PCSK5: variants seen among roughly 807,000 people sequenced by gnomAD.
PCSK5 encodes the protein prohormone convertase 5.
Under a neutral mutation model 233.2 loss-of-function variants are expected in PCSK5, and 129 were observed. The ratio of observed to expected loss-of-function variants is 0.55; its 90% CI spans 0.48 to 0.64. The LOEUF (loss-of-function observed/expected upper bound fraction) is 0.64. PCSK5 is among the 30% of genes least tolerant of loss of function. The probability of loss-of-function intolerance (pLI) is 0.00; values close to 1 mark genes in which losing one functional copy is unlikely to be tolerated. For synonymous variants in PCSK5, 825 were observed against 879.2 expected (o/e 0.94, Z 1.09); for missense variants, 2,076 against 2,430.1 (o/e 0.85, Z 3.06).
At chr9:75,903,816 G>A (rs1826156825) in intron 1 of PCSK5, among the ~76,000 whole-genome samples, 1 of 151,544 alleles carries the variant, frequency 6.6e-6, no homozygotes, top group African/African-American at 2.4e-5. Flanking sequence ...ATACAGAGCA[G>A]GGAGGGGAGA....
At chr9:76,014,714 G>A (rs1309867770) in intron 3 of PCSK5, among the ~76,000 whole-genome samples, 2 of 152,070 alleles carry the variant, frequency 1.3e-5, no homozygotes, top group African/African-American at 4.8e-5. Flanking sequence ...TTTGGTTAGT[G>A]GCATATTAGA....
At chr9:76,201,275 T>G (rs748897055) in intron 20 of PCSK5, among the ~76,000 whole-genome samples, 5 of 152,186 alleles carry the variant, frequency 3.3e-5, no homozygotes, top group Non-Finnish European at 7.3e-5. Context: ...GCACTTCCCT[T>G]CCCTAACAAT....
At chr9:76,331,628 C>T (rs2131481512) in intron 33 of PCSK5, among the ~76,000 whole-genome samples, 1 of 148,860 alleles carries the variant, frequency 6.7e-6, no homozygotes, top group South Asian at 2.1e-4. Flanking sequence ...GATTGTGCCA[C>T]TGCACTCCAG....
intron 20 of PCSK5, among the ~76,000 whole-genome samples, chr9:76,219,279 G>C (rs1267088671): frequency 6.6e-6 from 1 of 152,208 alleles, no homozygotes; most frequent in Non-Finnish European, 1.5e-5. Flanking sequence ...CAGAGAAAGA[G>C]AAAGAGGGTA....
chr9:75,963,095 AT>A, intron 2 of PCSK5, among the ~76,000 whole-genome samples: 1 of 152,282 alleles, frequency 6.6e-6, no homozygotes, highest in African/African-American at 2.4e-5. Flanking sequence ...TATTAGCATA[AT>A]TTTTTATTCT....
intron 9 of PCSK5, among the ~76,000 whole-genome samples, chr9:76,131,121 A>G (rs7033427): frequency 0.49 from 74,292 of 151,860 alleles, 18,446 homozygotes; most frequent in Admixed American, 0.53. Context: ...CTCTCTCTGC[A>G]TTTGTTTTAT....
intron 4 of PCSK5, among the ~76,000 whole-genome samples, chr9:76,025,519 G>A (rs1393351397): frequency 6.6e-6 from 1 of 152,110 alleles, no homozygotes; most frequent in Non-Finnish European, 1.5e-5. Flanking sequence ...GCTAGAAGGA[G>A]GAAGCAGCCC....
intron 5 of PCSK5, among the ~76,000 whole-genome samples, chr9:76,050,683 A>C (rs1044449555): frequency 2.0e-5 from 3 of 152,208 alleles, no homozygotes; most frequent in Non-Finnish European, 1.5e-5. Flanking sequence ...TTGTACCACA[A>C]TACTTGGTGA....
intron 7 of PCSK5, among the ~76,000 whole-genome samples, chr9:76,083,650 T>A (rs913622590): frequency 6.6e-6 from 1 of 152,260 alleles, no homozygotes; most frequent in African/African-American, 2.4e-5. Context: ...CTCTGACCAC[T>A]ATTTTCCCTT....
intron 2 of PCSK5, among the ~76,000 whole-genome samples, chr9:75,981,072 T>G (rs917911177): frequency 1.3e-5 from 2 of 152,208 alleles, no homozygotes; most frequent in African/African-American, 2.4e-5. Flanking sequence ...ACCACCTATT[T>G]TATTTCCTGG....
intron 3 of PCSK5, among the ~76,000 whole-genome samples, chr9:76,000,282 T>A (rs906510776): frequency 6.6e-6 from 1 of 152,216 alleles, no homozygotes; most frequent in Non-Finnish European, 1.5e-5. Flanking sequence ...ATATTATCAA[T>A]AAATTGGTAG....
At chr9:76,142,163 A>T (rs1823257307) in intron 10 of PCSK5, among the ~76,000 whole-genome samples, 1 of 151,796 alleles carries the variant, frequency 6.6e-6, no homozygotes, top group Admixed American at 6.6e-5. Context: ...TTAAATTTTT[A>T]AAAGTATATC....
Position 76,276,551 on chromosome 9 carries a change from T to C in PCSK5, c.3143-15682T>C, listed in dbSNP as rs138408488. ...CTTCCAGCCCCACTGGCCTTCTTGA[T>C]GTTCCTTGAAGGGGACAAGCTTTCC... On this transcript the variant is annotated intron_variant, in intron 24 of 37. Transcript: ENST00000674117. Among the ~76,000 whole-genome samples the C allele has an allele frequency of 2.7e-3, 416 of 152,318 alleles. 4 individuals are homozygous for C. The highest frequency in any genetic ancestry group is 9.1e-3 in the African/African-American group (378 of 41,564).
rs796405075 is a variant in PCSK5 at position 76,361,316 on chromosome 9, G to A, written c.*2394G>A. 20 of 152,194 alleles carry A rather than the reference G, an allele frequency of 1.3e-4. No homozygotes were observed. Among genetic ancestry groups the A allele is most frequent in the African/African-American group, 4.6e-4 (19 of 41,482 alleles). 9.4% of individuals were successfully genotyped at this position (152,194 alleles called of 1,614,324 possible). A position where few individuals can be genotyped will look rare whatever the true frequency, so the allele number is the denominator to read the frequency against. On this transcript the variant is annotated 3_prime_UTR_variant, in exon 38 of 38. Coordinates refer to ENST00000674117, the MANE Select transcript of PCSK5 (RefSeq NM_001372043.1). Reference sequence around the variant, plus strand: ...GCGGAGATGGCACCATTGCACTCCAGCCTGGGTGACAGAGCAAGACTCCAT... The same window carrying A: ...GCGGAGATGGCACCATTGCACTCCAACCTGGGTGACAGAGCAAGACTCCAT...
intron 13 of PCSK5, among the ~76,000 whole-genome samples, chr9:76,172,388 G>A (rs186962229): frequency 3.3e-4 from 50 of 152,108 alleles, no homozygotes; most frequent in African/African-American, 1.1e-3. Flanking sequence ...AAAAAATGAT[G>A]GCCCAAATAT....
At chr9:76,106,843 C>A (rs187650031) in intron 8 of PCSK5, among the ~76,000 whole-genome samples, 2 of 152,198 alleles carry the variant, frequency 1.3e-5, no homozygotes, top group African/African-American at 4.8e-5. Flanking sequence ...AATGCCTGCT[C>A]AGTGTCTGGA....
intron 1 of PCSK5, among the ~76,000 whole-genome samples, chr9:75,900,494 C>T (rs1424443618): frequency 6.6e-6 from 1 of 151,764 alleles, no homozygotes; most frequent in East Asian, 1.9e-4. Context: ...GCCTGGGTAA[C>T]ATGGTGAAAC....
intron 14 of PCSK5, among the ~76,000 whole-genome samples, chr9:76,178,268 G>A (rs1182148310): frequency 1.3e-5 from 2 of 152,184 alleles, no homozygotes; most frequent in Admixed American, 6.5e-5. Context: ...ATAGAAATAA[G>A]CAGTGCTGTC....
At chr9:76,082,267 A>C (rs1379694940) in intron 7 of PCSK5, among the ~76,000 whole-genome samples, 2 of 152,212 alleles carry the variant, frequency 1.3e-5, no homozygotes, top group Non-Finnish European at 2.9e-5. Flanking sequence ...ATGGCCAGCA[A>C]AGTGTTCTCT....
Sources: allele counts gnomAD v4.1 joint callset (sites outside exome capture counted in the v4.1 genomes callset), GRCh38; gene constraint gnomAD v4.1.1; transcripts MANE v1.5; gene names NCBI Gene and HGNC (gene_info 2026-07-23, HGNC 2026-07-21).